The following EPHA2 variants were observed in gnomAD, a reference collection of about 807,000 sequenced individuals.
EPHA2 encodes the protein EPH receptor A2.
In EPHA2, 54 loss-of-function variants were observed where a neutral mutation model predicts 104.9. The ratio of observed to expected loss-of-function variants is 0.51; its 90% CI spans 0.41 to 0.65. EPHA2 has a LOEUF of 0.65. EPHA2 is among the 30% of genes least tolerant of loss of function. The pLI, the probability that EPHA2 is intolerant of heterozygous loss-of-function variation, is 0.00. For missense variants in EPHA2, 1,117 were observed against 1,369.5 expected (o/e 0.82, Z 2.91); for synonymous variants, 560 against 559.1 (o/e 1.00, Z -0.02).
At position 16,134,075 on chromosome 1, in the gene EPHA2, G is replaced by A. The variant is rs568826560; in HGVS notation, c.1683-160C>T. On this transcript the variant is annotated intron_variant, in intron 8 of 16. Transcript: ENST00000358432. The surrounding 1 kb of genome is among the most constrained non-coding windows in gnomAD (Gnocchi z 4.5). ...GCCCAAGCTCCACTCTCAGGGCCGA[G>A]GGTGCGGAGAAGGCGGGTGGAGGAA... 6.6e-6 allele frequency among the ~76,000 whole-genome samples: 1 copy of A among 152,268 alleles called. No homozygotes were observed. Among genetic ancestry groups the A allele is most frequent in the Non-Finnish European group, 1.5e-5 (1 of 67,990 alleles).
Position 16,148,270 on chromosome 1 carries a change from G to T in EPHA2, c.823+108C>A. 7.3e-7 allele frequency: 1 copy of T among 1,373,014 alleles called. No homozygotes were observed. Among genetic ancestry groups the T allele is most frequent in the Non-Finnish European group, 1.0e-6 (1 of 972,942 alleles). 85.1% of individuals were successfully genotyped at this position (1,373,014 alleles called of 1,614,324 possible). On this transcript the variant is annotated intron_variant, in intron 3 of 16. Transcript: ENST00000358432. The surrounding 1 kb of genome is among the most constrained non-coding windows in gnomAD (Gnocchi z 4.9). ...TATAATTTCCACTAACAGAACTAAT[G>T]TGTGTCAAAGCAGGGATGAGCTTAC...
chr1:16,130,447 T>G lies in EPHA2; in HGVS notation c.2476-28A>C, dbSNP rs1328042438. On this transcript the variant is annotated intron_variant, in intron 14 of 16. Transcript: ENST00000358432. This position sits in a 1 kb window ranked among gnomAD's most constrained non-coding sequence, Gnocchi z 4.5. ...GGCGGGGCACGAAGGTCAGGGGCGCTGTTGCAGAAAGCCACTGAAACCCTC... is the reference window on the plus strand; with the variant it reads ...GGCGGGGCACGAAGGTCAGGGGCGCGGTTGCAGAAAGCCACTGAAACCCTC... 2.0e-6 allele frequency: 3 copies of G among 1,524,908 alleles called. No homozygotes were observed. Among genetic ancestry groups the G allele is most frequent in the African/African-American group, 1.4e-5 (1 of 72,288 alleles). The allele number at this position is 1,524,908 out of a possible 1,614,324, so 94.5% of individuals were successfully genotyped here.
Position 16,135,706 on chromosome 1 carries a change from G to A in EPHA2, c.1377C>T (p.Pro459=), listed in dbSNP as rs755595945. 5 of 1,613,682 alleles carry A rather than the reference G, an allele frequency of 3.1e-6. No individual in the cohort carries two copies. Among genetic ancestry groups the A allele is most frequent in the South Asian group, 1.1e-5 (1 of 91,084 alleles). ...TTSLSVSWSI[P]PPQQSRVWKY... is the part of the protein sequence containing the mutation. Reference sequence around the variant, plus strand: ...TCCACACTCGGCTCTGCTGCGGCGGGGGGATGCTCCAGGAGACGCTAAGCG... The same window carrying A: ...TCCACACTCGGCTCTGCTGCGGCGGAGGGATGCTCCAGGAGACGCTAAGCG... The change falls in exon 6 of 17, where the codon CCC becomes CCT. Residue 459 remains proline, a synonymous_variant. Transcript: ENST00000358432. This position sits in a 1 kb window ranked among gnomAD's most constrained non-coding sequence, Gnocchi z 4.3.
chr1:16,155,506 G>A, intron 1 of EPHA2: 1 of 275,844 alleles, frequency 3.6e-6, no homozygotes. Context: ...GCGGAAAGCT[G>A]CCCAAACACC....
chr1:16,133,537 T>G lies in EPHA2; in HGVS notation c.1808A>C (p.Lys603Thr). ...TYEDPNQAVL[K>T]FTTEIHPSCV... ...GGATGGATGGATCTCGGTAGTGAAC[T>G]TCAACACAGCCTGGTTGGGGTCCTC... Residue 603 changes from lysine (K) to threonine (T), a missense_variant, in exon 10 of 17, where the codon AAG (lysine) becomes ACG (threonine). Coordinates refer to ENST00000358432, the MANE Select transcript of EPHA2 (RefSeq NM_004431.5). The G allele has an allele frequency of 1.2e-6, 2 of 1,614,080 alleles. No homozygotes were observed. Among genetic ancestry groups the G allele is most frequent in the Non-Finnish European group, 1.7e-6 (2 of 1,179,970 alleles).
rs1469737834 is a variant in EPHA2, at chr1:16,125,969, T to C, written c.2826-649A>G. On this transcript the variant is annotated intron_variant, in intron 16 of 16. Coordinates refer to ENST00000358432, the MANE Select transcript of EPHA2 (RefSeq NM_004431.5). The surrounding 1 kb of genome is among the most constrained non-coding windows in gnomAD (Gnocchi z 4.9). ...CTTGAAGGGTTAAACTTTGCGAGTC[T>C]TCATGGGTGAGGCTTGCGGGTCACC... 6.6e-6 allele frequency among the ~76,000 whole-genome samples: 1 copy of C among 152,218 alleles called. No homozygotes were observed. Among genetic ancestry groups the C allele is most frequent in the Admixed American group, 6.5e-5 (1 of 15,288 alleles).
chr1:16,149,035 G>A lies in EPHA2; in HGVS notation c.166C>T (p.Gln56Ter), dbSNP rs1288542834. 6.2e-7 allele frequency: 1 copy of A among 1,613,166 alleles called. No homozygotes were observed. The highest frequency in any genetic ancestry group is 1.1e-5 in the South Asian group (1 of 91,082). Residue 56 changes from glutamine (Q) to a stop codon, truncating the protein, a stop_gained, in exon 3 of 17, where the codon CAG (glutamine) becomes TAG (stop). Coordinates refer to ENST00000358432, the MANE Select transcript of EPHA2 (RefSeq NM_004431.5). LOFTEE classifies it high-confidence loss of function. ...HPYGKGWDLM[Q>*]NIMNDMPIYM... ...ATCGGCATGTCATTCATGATGTTCT[G>A]CATCAGGTCCCACTGTGGGGGGAAG...
At chr1:16,147,410 G>A (rs1346755869) in intron 3 of EPHA2, among the ~76,000 whole-genome samples, 2 of 152,192 alleles carry the variant, frequency 1.3e-5, no homozygotes, top group Middle Eastern at 3.4e-3. Flanking sequence ...TGCAGCCAGG[G>A]GATGTGCACC....
chr1:16,130,436 G>A lies in EPHA2; in HGVS notation c.2476-17C>T, dbSNP rs752701498. On this transcript the variant is annotated splice_polypyrimidine_tract_variant and intron_variant, in intron 14 of 16. Coordinates refer to ENST00000358432, the MANE Select transcript of EPHA2 (RefSeq NM_004431.5). The surrounding 1 kb of genome is among the most constrained non-coding windows in gnomAD (Gnocchi z 4.5). ...TTTCATCACCTGGCGGGGCACGAAG[G>A]TCAGGGGCGCTGTTGCAGAAAGCCA... The A allele has an allele frequency of 1.3e-6, 2 of 1,536,246 alleles. No homozygotes were observed. The highest frequency in any genetic ancestry group is 1.4e-5 in the African/African-American group (1 of 72,826).
intron 1 of EPHA2, chr1:16,155,507 C>T (rs2025141115): frequency 3.7e-6 from 1 of 267,460 alleles, no homozygotes. Context: ...CGGAAAGCTG[C>T]CCAAACACCC....
Position 16,138,112 on chromosome 1 carries a change from A to G in EPHA2, c.1053T>C (p.Pro351=). ...GAKVELRWTP[P]QDSGGREDIV... is the part of the protein sequence containing the mutation. The stretch of plus-strand genomic sequence containing the variant: ...TGTCCTCGCGGCCCCCGCTGTCCTG[A>G]GGGGGCGTCCAGCGCAGCTCCACCT... The change falls in exon 5 of 17, where the codon CCT becomes CCC. Residue 351 remains proline, a synonymous_variant. Transcript: ENST00000358432. The G allele has an allele frequency of 6.2e-7, 1 of 1,609,630 alleles. No homozygotes were observed. The highest frequency in any genetic ancestry group is 8.5e-7 in the Non-Finnish European group (1 of 1,179,704).
At position 16,133,320 on chromosome 1, in the gene EPHA2, T is replaced by C. The variant is rs763745213; in HGVS notation, c.1913A>G (p.Lys638Arg). Residue 638 changes from lysine (K) to arginine (R), a missense_variant, in exon 11 of 17, where the codon AAG becomes AGG. Around this residue, in one of 3 missense-constraint regions of EPHA2, gnomAD observed 113 missense variants for 104.3 expected, o/e 1.08. Coordinates refer to ENST00000358432, the MANE Select transcript of EPHA2 (RefSeq NM_004431.5). ...YKGMLKTSSGKKEVPVAIKTL... is the reference protein window; with the variant it reads ...YKGMLKTSSGRKEVPVAIKTL... ...CTTGATGGCCACCGGCACCTCCTTCTTCCCCGAGGATGTCTTCAGCATGCC... is the reference window on the plus strand; with the variant it reads ...CTTGATGGCCACCGGCACCTCCTTCCTCCCCGAGGATGTCTTCAGCATGCC... 5.6e-6 allele frequency: 9 copies of C among 1,613,734 alleles called. No homozygotes were observed. In the Admixed American group the frequency reaches 1.3e-4, roughly 24 times the overall value.
rs1360406765 is a variant in EPHA2 at position 16,124,558 on chromosome 1, G to C, written c.*657C>G. 2 of 152,720 alleles carry C rather than the reference G, an allele frequency of 1.3e-5. No homozygotes were observed. The highest frequency in any genetic ancestry group is 1.9e-4 in the East Asian group (1 of 5,168). The allele number at this position is 152,720 out of a possible 1,614,324, so 9.5% of individuals were successfully genotyped here. A position where few individuals can be genotyped will look rare whatever the true frequency, so the allele number is the denominator to read the frequency against. On this transcript the variant is annotated 3_prime_UTR_variant, in exon 17 of 17. Coordinates refer to ENST00000358432, the MANE Select transcript of EPHA2 (RefSeq NM_004431.5). ...ACCGGTCCCTGAGTCCCCAGCTCAC[G>C]AATGTTTGACACCCTCTGTCCCCAG...
intron 16 of EPHA2, among the ~76,000 whole-genome samples, chr1:16,127,820 G>A (rs1407111493): frequency 4.6e-5 from 7 of 152,050 alleles, no homozygotes; most frequent in Admixed American, 1.3e-4. Flanking sequence ...GCACTGCAGC[G>A]CACACACACA....
chr1:16,126,611 G>A (rs1004754990), intron 16 of EPHA2, among the ~76,000 whole-genome samples: 9 of 152,284 alleles, frequency 5.9e-5, no homozygotes, highest in Middle Eastern at 3.4e-3. Context: ...TACAGTTGGA[G>A]GTGCTGAAAA....
Position 16,150,505 on chromosome 1 carries a change from C to A in EPHA2, c.153+391G>T, listed in dbSNP as rs1183248083. On this transcript the variant is annotated intron_variant, in intron 2 of 16. Transcript: ENST00000358432. This position sits in a 1 kb window ranked among gnomAD's most constrained non-coding sequence, Gnocchi z 4.8. ...TTCCTGTTCCCTGTCTCTTCTTCAC[C>A]CCTCACCTCCTGGGCTGAGACCTCA... is the stretch of plus-strand genomic sequence containing the variant. Among the ~76,000 whole-genome samples, 1 of 152,176 alleles carries A rather than the reference C, an allele frequency of 6.6e-6. No individual in the cohort carries two copies. The highest frequency in any genetic ancestry group is 1.9e-4 in the East Asian group (1 of 5,200).
rs1183123616 is a variant in EPHA2 at position 16,133,198 on chromosome 1, C to T, written c.2035G>A (p.Glu679Lys). 1 of 1,613,514 alleles carries T rather than the reference C, an allele frequency of 6.2e-7. No individual in the cohort carries two copies. Among genetic ancestry groups the T allele is most frequent in the African/African-American group, 1.3e-5 (1 of 74,838 alleles). ...GCCTCACATTTGGAGATGACGCCCT[C>T]TAGGCGGATGATGTTGTGGTGGCTG... ...QFSHHNIIRLEGVISKYKPMM... is the reference protein window; with the variant it reads ...QFSHHNIIRLKGVISKYKPMM... The change falls in exon 11 of 17, where the codon GAG (glutamate) becomes AAG (lysine). Residue 679 changes from glutamate to lysine, a missense_variant. By Grantham distance (56) the Glu-to-Lys change is moderately conservative. Transcript: ENST00000358432.
chr1:16,154,239 C>G (rs978302207), intron 1 of EPHA2, among the ~76,000 whole-genome samples: 3 of 152,086 alleles, frequency 2.0e-5, no homozygotes, highest in African/African-American at 7.2e-5. Context: ...GGGGGAGGAC[C>G]AAACGTTGGT....
rs2124259777 is a variant in EPHA2 at position 16,148,340 on chromosome 1, C to T, written c.823+38G>A. 1 of 1,583,958 alleles carries T rather than the reference C, an allele frequency of 6.3e-7. No individual in the cohort carries two copies. The highest frequency in any genetic ancestry group is 8.6e-7 in the Non-Finnish European group (1 of 1,168,306). On this transcript the variant is annotated intron_variant, in intron 3 of 16. Transcript: ENST00000358432. The surrounding 1 kb of genome is among the most constrained non-coding windows in gnomAD (Gnocchi z 4.9). The stretch of plus-strand genomic sequence containing the variant: ...AGCTAAAGACCAGAACCTGGGAATG[C>T]AGAACCCCCTTCCCTGCAACCCAGA...
Sources: allele counts gnomAD v4.1 joint callset (sites outside exome capture counted in the v4.1 genomes callset), GRCh38; gene constraint gnomAD v4.1.1; regional missense constraint gnomAD v4.1.1; non-coding constraint Gnocchi (gnomAD v3.1); transcripts MANE v1.5; gene names NCBI Gene and HGNC (gene_info 2026-07-23, HGNC 2026-07-21).